Variants in NSUN6 observed in about 807,000 individuals in gnomAD.
NSUN6 encodes the protein tRNA (cytosine(72)-C(5))-methyltransferase NSUN6.
Under a neutral mutation model 58.0 loss-of-function variants are expected in NSUN6, and 64 were observed. The observed-to-expected ratio is 1.10, with a 90% CI of 0.90 to 1.36. The LOEUF (loss-of-function observed/expected upper bound fraction) is 1.36. Among genes scored for constraint, NSUN6 ranks in the 40% most tolerant of loss-of-function variants. NSUN6 has a pLI of 0.00. For missense variants in NSUN6, 701 were observed against 550.1 expected, an observed-to-expected ratio of 1.27 and a Z score of -2.74; for synonymous variants, 231 against 193.9, an observed-to-expected ratio of 1.19 and a Z score of -1.59.
At chr10:18,648,792 C>T (rs1332657881) in intron 1 of NSUN6, 147 bp from the exon 2 acceptor site, 2 of 516,656 alleles carry the variant, frequency 3.9e-6, no homozygotes, top group Admixed American at 6.4e-5. Flanking sequence ...TTAATAGCAA[C>T]TAAGGAAATA....
intron 6 of NSUN6, among the ~76,000 whole-genome samples, chr10:18,597,907 T>C (rs2057657115): frequency 1.3e-5 from 2 of 152,196 alleles, no homozygotes; most frequent in African/African-American, 4.8e-5. Flanking sequence ...AATTTCTTCC[T>C]CTGAATATAT....
chr10:18,652,037 G>C, upstream of NSUN6: 1 of 985,334 alleles, frequency 1.0e-6, no homozygotes, highest in Non-Finnish European at 1.2e-6. Flanking sequence ...ATACAGATCT[G>C]ACTTCAGTTG....
chr10:18,584,296 C>A (rs12766105), intron 8 of NSUN6, among the ~76,000 whole-genome samples: 16 of 152,208 alleles, frequency 1.1e-4, no homozygotes, highest in East Asian at 9.7e-4. Flanking sequence ...TCACTTCCCC[C>A]CTTACCTTAT....
At chr10:18,595,334 T>C (rs1442317390) in intron 7 of NSUN6, among the ~76,000 whole-genome samples, 2 of 152,230 alleles carry the variant, frequency 1.3e-5, no homozygotes, top group East Asian at 3.8e-4. Flanking sequence ...AAAGACATTT[T>C]TACTAAGAGA....
At chr10:18,579,413 A>AC (rs2056807909) in intron 8 of NSUN6, among the ~76,000 whole-genome samples, 1 of 151,510 alleles carries the variant, frequency 6.6e-6, no homozygotes, top group Admixed American at 6.6e-5. Context: ...GTCGTGATCC[A>AC]CCCGCCTCAG....
At chr10:18,648,266 A>G (rs926755156) in intron 2 of NSUN6, among the ~76,000 whole-genome samples, 2 of 152,182 alleles carry the variant, frequency 1.3e-5, no homozygotes, top group African/African-American at 4.8e-5. Flanking sequence ...GGGTTTAATG[A>G]GCTATTTTAG....
chr10:18,601,542 A>AATCAT (rs2057839482), intron 6 of NSUN6, among the ~76,000 whole-genome samples: 1 of 106,506 alleles, frequency 9.4e-6, no homozygotes, highest in Non-Finnish European at 2.0e-5. Context: ...CTAAGACATA[A>AATCAT]CAGTTATGAG....
At chr10:18,548,316 A>G (rs753110494) in intron 9 of NSUN6, 79 bp from the exon 10 acceptor site, 11 of 1,223,534 alleles carry the variant, frequency 9.0e-6, no homozygotes, top group Non-Finnish European at 1.3e-5. Context: ...AAAAGGTATA[A>G]TGTCTTTCAA....
At chr10:18,586,122 GAAA>G (rs751821413) in intron 7 of NSUN6, 29 bp from the exon 8 acceptor site, 1 of 1,152,796 alleles carries the variant, frequency 8.7e-7, no homozygotes, top group Non-Finnish European at 1.1e-6. Context: ...CACACATGCA[GAAA>G]AAAAAAAAGA....
At chr10:18,627,933 G>A (rs2058880727) in intron 3 of NSUN6, among the ~76,000 whole-genome samples, 1 of 152,252 alleles carries the variant, frequency 6.6e-6, no homozygotes, top group African/African-American at 2.4e-5. Context: ...GCCTGCCTCT[G>A]TAGGCTCCAC....
chr10:18,648,650 A>AAAT lies in NSUN6; in HGVS notation c.76-6_76-5insATT. ...TTTACCTAAAGCAGTCACAATCTAA[A>AAAT]AAGAAGTTCATGTTTAAATTTCCTG... On this transcript the variant is annotated splice_region_variant and splice_polypyrimidine_tract_variant and intron_variant, in intron 1 of 10. Coordinates refer to ENST00000377304, the MANE Select transcript of NSUN6 (RefSeq NM_182543.5). The AAAT allele has an allele frequency of 1.3e-6, 2 of 1,537,738 alleles. No individual in the cohort carries two copies. The highest frequency in any genetic ancestry group is 1.8e-6 in the Non-Finnish European group (2 of 1,117,258).
chr10:18,554,549 G>C (rs1192027730), intron 8 of NSUN6, among the ~76,000 whole-genome samples: 1 of 150,890 alleles, frequency 6.6e-6, no homozygotes, highest in African/African-American at 2.4e-5. Flanking sequence ...GAATGGAATA[G>C]AGAATTGAAT....
chr10:18,636,963 CTTT>C (rs34797299), intron 3 of NSUN6, among the ~76,000 whole-genome samples: 71,212 of 124,626 alleles, frequency 0.57, 20,206 homozygotes, highest in East Asian at 0.96. Context: ...AAGGAATTGA[CTTT>C]TTTTTTTTTT....
intron 6 of NSUN6, among the ~76,000 whole-genome samples, chr10:18,601,212 G>A (rs923788746): frequency 6.6e-6 from 1 of 151,660 alleles, no homozygotes; most frequent in Non-Finnish European, 1.5e-5. Flanking sequence ...ATCAAAGCTG[G>A]CATAGATTCC....
intron 8 of NSUN6, among the ~76,000 whole-genome samples, chr10:18,558,618 C>T (rs145956855): frequency 3.6e-5 from 5 of 137,004 alleles, no homozygotes; most frequent in East Asian, 2.2e-4. Context: ...AACAGAATGG[C>T]GTGGAGAATG....
At chr10:18,566,884 C>A (rs1337760990) in intron 8 of NSUN6, among the ~76,000 whole-genome samples, 2 of 150,032 alleles carry the variant, frequency 1.3e-5, no homozygotes, top group African/African-American at 4.9e-5. Context: ...TCATTCCATT[C>A]TCCATTCCTT....
chr10:18,628,105 CT>C (rs1372176247), intron 3 of NSUN6, among the ~76,000 whole-genome samples: 2 of 152,214 alleles, frequency 1.3e-5, no homozygotes, highest in African/African-American at 4.8e-5. Context: ...CCCCTGACCC[CT>C]GAGCAGCCTA....
chr10:18,577,092 C>T lies in NSUN6; in HGVS notation c.922+8857G>A, dbSNP rs531284701. 1.6e-4 allele frequency among the ~76,000 whole-genome samples: 25 copies of T among 152,230 alleles called. No individual in the cohort carries two copies. In the South Asian group the frequency reaches 3.7e-3, roughly 23 times the overall value. ...GATACACTATATCTATTACAACCAA[C>T]GGCGATTTATTAACTACACTACAGA... On this transcript the variant is annotated intron_variant, in intron 8 of 10. Transcript: ENST00000377304.
intron 3 of NSUN6, 34 bp from the exon 4 acceptor site, chr10:18,616,327 A>G: frequency 7.7e-7 from 1 of 1,290,360 alleles, no homozygotes; most frequent in African/African-American, 1.5e-5. Context: ...TTTAATAGTA[A>G]CATACCTCCA....
Sources: gnomAD v4.1 joint callset for allele counts (sites outside exome capture counted in the v4.1 genomes callset) on GRCh38, gnomAD v4.1.1 for gene constraint, MANE v1.5 for transcripts, NCBI Gene and HGNC (gene_info 2026-07-23, HGNC 2026-07-21) for gene names.